ZRANB3: variants seen among roughly 807,000 people sequenced by gnomAD.
The protein encoded by ZRANB3 is zinc finger RANBP2-type containing 3, also known as DNA annealing helicase and endonuclease ZRANB3.
A neutral mutation model predicts 133.8 loss-of-function variants in ZRANB3; 125 were observed. The ratio of observed to expected loss-of-function variants is 0.93; its 90% CI spans 0.81 to 1.08. The LOEUF (loss-of-function observed/expected upper bound fraction) is 1.08. ZRANB3 is among the 50% of genes least tolerant of loss of function. The probability of loss-of-function intolerance (pLI) is 0.00; values close to 1 mark genes in which losing one functional copy is unlikely to be tolerated. For synonymous variants in ZRANB3, 387 were observed against 432.7 expected (o/e 0.89, Z 1.31); for missense variants, 1,229 against 1,275.5 (o/e 0.96, Z 0.56).
chr2:135,348,719 C>T lies in ZRANB3; in HGVS notation c.591+1265G>A, dbSNP rs540801420. The stretch of plus-strand genomic sequence containing the variant: ...AAGTGATTTTCCTGCCTCAGCCTCC[C>T]GGGTAGCTAAACTACAGGCACAGGC... On this transcript the variant is annotated intron_variant, in intron 5 of 20. Coordinates refer to ENST00000264159, the MANE Select transcript of ZRANB3 (RefSeq NM_032143.4). Among the ~76,000 whole-genome samples, 35 of 152,214 alleles carry T rather than the reference C, an allele frequency of 2.3e-4. No individual in the cohort carries two copies. The South Asian group carries it at 5.8e-3, about 25-fold the overall frequency.
At chr2:135,293,068 G>T (rs1681845319) in intron 8 of ZRANB3, among the ~76,000 whole-genome samples, 2 of 151,964 alleles carry the variant, frequency 1.3e-5, no homozygotes, top group Non-Finnish European at 2.9e-5. Flanking sequence ...GGATTGACTT[G>T]GCAATGTGGG....
intron 1 of ZRANB3, among the ~76,000 whole-genome samples, chr2:135,516,971 C>T (rs1378058731): frequency 1.3e-5 from 2 of 151,920 alleles, no homozygotes; most frequent in Non-Finnish European, 2.9e-5. Context: ...TGTTCATTCC[C>T]TTTCATTCTT....
intron 17 of ZRANB3, among the ~76,000 whole-genome samples, chr2:135,215,109 A>G (rs1471004739): frequency 6.6e-6 from 1 of 151,642 alleles, no homozygotes; most frequent in Non-Finnish European, 1.5e-5. Flanking sequence ...GTGGAGATAC[A>G]GTCTCGCTAT....
At chr2:135,474,736 G>A (rs1225841957) in intron 2 of ZRANB3, among the ~76,000 whole-genome samples, 5 of 152,036 alleles carry the variant, frequency 3.3e-5, no homozygotes, top group Admixed American at 6.5e-5. Flanking sequence ...AATACTACAA[G>A]GACTAATGCA....
At chr2:135,281,857 A>T (rs1247614654) in intron 8 of ZRANB3, among the ~76,000 whole-genome samples, 2 of 152,038 alleles carry the variant, frequency 1.3e-5, no homozygotes, top group African/African-American at 4.8e-5. Context: ...CAGCTGTCAC[A>T]CCCCAGTTGC....
At chr2:135,287,222 TG>T (rs1681420919) in intron 8 of ZRANB3, among the ~76,000 whole-genome samples, 1 of 152,364 alleles carries the variant, frequency 6.6e-6, no homozygotes, top group African/African-American at 2.4e-5. Context: ...GAAGATCAGT[TG>T]GCTGTAAATA....
chr2:135,379,512 T>C lies in ZRANB3; in HGVS notation c.180+11290A>G, dbSNP rs369730447. On this transcript the variant is annotated intron_variant, in intron 3 of 20. Coordinates refer to ENST00000264159, the MANE Select transcript of ZRANB3 (RefSeq NM_032143.4). ...CAGGTCCCGGCATCTTCTAGTTATA[T>C]GTCCTTGGGCAATTTAATTAACCCA... 4.6e-5 allele frequency among the ~76,000 whole-genome samples: 7 copies of C among 152,334 alleles called. No individual in the cohort carries two copies. The East Asian group carries it at 9.7e-4, about 21-fold the overall frequency.
chr2:135,260,530 T>C (rs1444128474), intron 12 of ZRANB3, among the ~76,000 whole-genome samples: 1 of 151,160 alleles, frequency 6.6e-6, no homozygotes, highest in Non-Finnish European at 1.5e-5. Flanking sequence ...TTTGTGTGGA[T>C]TAGTTTCATT....
chr2:135,340,190 C>A (rs1032502481), intron 6 of ZRANB3, among the ~76,000 whole-genome samples: 1 of 151,356 alleles, frequency 6.6e-6, no homozygotes, highest in Non-Finnish European at 1.5e-5. Context: ...ACTACAACCT[C>A]CGCCTCCTCA....
intron 8 of ZRANB3, among the ~76,000 whole-genome samples, chr2:135,311,003 T>C (rs1310251699): frequency 1.3e-5 from 2 of 152,008 alleles, no homozygotes; most frequent in East Asian, 3.9e-4. Flanking sequence ...CTAGATTGTT[T>C]CCAAATTTAA....
At position 135,207,576 on chromosome 2, in the gene ZRANB3, T is replaced by C. The variant is rs1330207185; in HGVS notation, c.2867A>G (p.Lys956Arg). 1 of 1,614,024 alleles carries C rather than the reference T, an allele frequency of 6.2e-7. No individual in the cohort carries two copies. Among genetic ancestry groups the C allele is most frequent in the African/African-American group, 1.3e-5 (1 of 75,070 alleles). ...CACACCATGTTCAGTTTCAAATACT[T>C]TGGCTCTCAGGTAACTGTTATTAGA... Reference protein sequence around the residue: ...IRSNNSYLRAKVFETEHGVCQ... With the variant: ...IRSNNSYLRARVFETEHGVCQ... Residue 956 changes from lysine to arginine, a missense_variant, in exon 19 of 21, where the codon AAA becomes AGA. Transcript: ENST00000264159.
intron 2 of ZRANB3, among the ~76,000 whole-genome samples, chr2:135,497,491 A>G (rs1692727683): frequency 6.6e-6 from 1 of 152,234 alleles, no homozygotes; most frequent in Admixed American, 6.5e-5. Flanking sequence ...AAAATTAGTA[A>G]AATTAAAAAT....
chr2:135,307,407 A>C lies in ZRANB3; in HGVS notation c.966+6082T>G, dbSNP rs183682527. 2.8e-3 allele frequency among the ~76,000 whole-genome samples: 433 copies of C among 152,294 alleles called. 1 individual carries two copies. Among genetic ancestry groups the C allele is most frequent in the African/African-American group, 9.4e-3 (392 of 41,556 alleles). On this transcript the variant is annotated intron_variant, in intron 8 of 20. Coordinates refer to ENST00000264159, the MANE Select transcript of ZRANB3 (RefSeq NM_032143.4). Reference sequence around the variant, plus strand: ...CATTTTATTTCCACTATTGGCTCATAACTGATACTGTGTTTTCTATTTCTA... The same window carrying C: ...CATTTTATTTCCACTATTGGCTCATCACTGATACTGTGTTTTCTATTTCTA...
At chr2:135,349,759 A>G (rs181516241) in intron 5 of ZRANB3, among the ~76,000 whole-genome samples, 14 of 152,354 alleles carry the variant, frequency 9.2e-5, no homozygotes, top group African/African-American at 3.4e-4. Context: ...TAATAAAGGT[A>G]AAAGCTATGT....
intron 12 of ZRANB3, among the ~76,000 whole-genome samples, chr2:135,244,004 A>G (rs1695671999): frequency 6.6e-6 from 1 of 150,652 alleles, no homozygotes; most frequent in African/African-American, 2.4e-5. Flanking sequence ...ATAGTCCACT[A>G]TCATCTACAC....
At chr2:135,519,059 A>G (rs1693813359) in intron 1 of ZRANB3, among the ~76,000 whole-genome samples, 1 of 152,146 alleles carries the variant, frequency 6.6e-6, no homozygotes, top group African/African-American at 2.4e-5. Context: ...TATTCCATTT[A>G]CACGACCTAC....
intron 12 of ZRANB3, among the ~76,000 whole-genome samples, chr2:135,249,151 T>C (rs1275920844): frequency 1.3e-5 from 2 of 151,976 alleles, no homozygotes; most frequent in East Asian, 3.9e-4. Flanking sequence ...TTGGTGGGAG[T>C]GTAAATTAGT....
intron 3 of ZRANB3, among the ~76,000 whole-genome samples, chr2:135,373,324 T>C (rs1686268511): frequency 6.6e-6 from 1 of 151,864 alleles, no homozygotes; most frequent in Non-Finnish European, 1.5e-5. Flanking sequence ...ACAGCAGAAG[T>C]GAGAGCAGAC....
intron 2 of ZRANB3, among the ~76,000 whole-genome samples, chr2:135,412,462 GCTTA>G (rs1316978419): frequency 1.3e-5 from 2 of 151,714 alleles, no homozygotes; most frequent in African/African-American, 4.8e-5. Context: ...AGTAGACCTG[GCTTA>G]CTTTTTGTTG....
Sources: allele counts gnomAD v4.1 joint callset (sites outside exome capture counted in the v4.1 genomes callset), GRCh38; gene constraint gnomAD v4.1.1; transcripts MANE v1.5; gene names NCBI Gene and HGNC (gene_info 2026-07-23, HGNC 2026-07-21).